TRIM59: variants seen among roughly 807,000 people sequenced by gnomAD.
The protein encoded by TRIM59 is tripartite motif containing 59, also known as tripartite motif-containing protein 59.
TRIM59 carries 14 observed loss-of-function variants against 32.2 expected under a neutral mutation model. That is an observed-to-expected ratio of 0.43 (90% confidence interval 0.29 to 0.68). The LOEUF (loss-of-function observed/expected upper bound fraction) is 0.68, where lower values mean the gene tolerates loss of function less well. Among genes scored for constraint, TRIM59 ranks in the 30% least tolerant of loss-of-function variants. TRIM59 has a pLI of 0.15. For missense variants in TRIM59, 471 were observed against 463.3 expected (o/e 1.02, Z -0.15); for synonymous variants, 163 against 155.1 (o/e 1.05, Z -0.38).
In TRIM59 at chr3:160,438,051, C is replaced by A; in HGVS notation, c.1133G>T (p.Ser378Ile). The part of the protein sequence containing the change: ...SLSVYQSLSN[S>I]LHKVKNILCH... ...CAGTATATTCTTTACCTTATGCAGA[C>A]TGTTAGATAAACTTTGGTAAACAGA... is the stretch of plus-strand genomic sequence containing the variant. The change falls in exon 3 of 3, where the codon AGT (serine) becomes ATT (isoleucine). Residue 378 changes from serine to isoleucine, a missense_variant. By Grantham distance (142) the Ser-to-Ile change is moderately radical (BLOSUM62 -2). Coordinates refer to ENST00000309784, the MANE Select transcript of TRIM59 (RefSeq NM_173084.3). The A allele has an allele frequency of 6.2e-7, 1 of 1,603,656 alleles. No individual in the cohort carries two copies. The highest frequency in any genetic ancestry group is 8.5e-7 in the Non-Finnish European group (1 of 1,177,300).
intron 2 of TRIM59, among the ~76,000 whole-genome samples, chr3:160,448,429 G>T (rs1019950207): frequency 3.9e-5 from 6 of 152,194 alleles, no homozygotes; most frequent in Admixed American, 3.9e-4. Flanking sequence ...TAGTTCTGCA[G>T]ATCTGTATGT....
chr3:160,440,992 A>G (rs925147628), intron 2 of TRIM59, among the ~76,000 whole-genome samples: 2 of 152,260 alleles, frequency 1.3e-5, no homozygotes, highest in Non-Finnish European at 2.9e-5. Context: ...TTTTAAGATT[A>G]AAAATCTGTG....
intron 2 of TRIM59, among the ~76,000 whole-genome samples, chr3:160,443,619 G>A (rs949925341): frequency 6.6e-6 from 1 of 152,032 alleles, no homozygotes; most frequent in Non-Finnish European, 1.5e-5. Context: ...CACTCTAGAA[G>A]AGGAAGAAAG....
In TRIM59 at chr3:160,438,001, C is replaced by T; in HGVS notation, c.1183G>A (p.Glu395Lys). The T allele has an allele frequency of 3.2e-6, 5 of 1,556,926 alleles. No homozygotes were observed. Among genetic ancestry groups the T allele is most frequent in the Non-Finnish European group, 4.3e-6 (5 of 1,157,152 alleles). The part of the protein sequence containing the change: ...ILCHIFYLLK[E>K]FVWKIVSH ...TGGGAAACTATTTTCCACACAAATT[C>T]CTTCAACAAATAGAAAATGTGACAC... The change falls in exon 3 of 3, where the codon GAA becomes AAA. Residue 395 changes from glutamate (E) to lysine (K), a missense_variant. Coordinates refer to ENST00000309784, the MANE Select transcript of TRIM59 (RefSeq NM_173084.3).
At chr3:160,439,712 T>C (rs898934729) in intron 2 of TRIM59, among the ~76,000 whole-genome samples, 8 of 152,178 alleles carry the variant, frequency 5.3e-5, no homozygotes, top group Non-Finnish European at 1.0e-4. Context: ...CCTTCTGCCA[T>C]GATTGTGAGG....
chr3:160,436,071 C>G lies in TRIM59; in HGVS notation c.*1901G>C, dbSNP rs914098388. The G allele has an allele frequency of 5.2e-6, 6 of 1,157,374 alleles. No homozygotes were observed. Among genetic ancestry groups the G allele is most frequent in the Admixed American group, 4.1e-5 (1 of 24,572 alleles). 71.7% of individuals were successfully genotyped at this position (1,157,374 alleles called of 1,614,324 possible). On this transcript the variant is annotated 3_prime_UTR_variant, in exon 3 of 3. Coordinates refer to ENST00000309784, the MANE Select transcript of TRIM59 (RefSeq NM_173084.3). The stretch of plus-strand genomic sequence containing the variant: ...TTTTTATCTCTAGCTGAGTATGTGT[C>G]TCTCCTTACCTCTACTATGCCCTTT...
chr3:160,441,991 A>T (rs1004375765), intron 2 of TRIM59, among the ~76,000 whole-genome samples: 1 of 152,192 alleles, frequency 6.6e-6, no homozygotes, highest in African/African-American at 2.4e-5. Flanking sequence ...AAAGCTATGA[A>T]GTCATACAGA....
chr3:160,439,065 G>T lies in TRIM59; in HGVS notation c.119C>A (p.Ala40Glu), dbSNP rs751672520. 6.4e-7 allele frequency: 1 copy of T among 1,569,570 alleles called. No individual in the cohort carries two copies. Among genetic ancestry groups the T allele is most frequent in the South Asian group, 1.2e-5 (1 of 83,210 alleles). The change falls in exon 3 of 3, where the codon GCA (alanine) becomes GAA (glutamate). Residue 40 changes from alanine to glutamate, a missense_variant. Physicochemically the swap from Ala to Glu is moderately radical, Grantham distance 107. Coordinates refer to ENST00000309784, the MANE Select transcript of TRIM59 (RefSeq NM_173084.3). ...CRNCLENILQASGNFYIWRPL... is the reference protein window; with the variant it reads ...CRNCLENILQESGNFYIWRPL... ...TCTCCATATATAAAAGTTACCAGAT[G>T]CCTGAAGAATGTTTTCCAAACAATT... is the stretch of plus-strand genomic sequence containing the variant.
At position 160,436,133 on chromosome 3, in the gene TRIM59, G is replaced by A. The variant is rs1718930605; in HGVS notation, c.*1839C>T. On this transcript the variant is annotated 3_prime_UTR_variant, in exon 3 of 3. Coordinates refer to ENST00000309784, the MANE Select transcript of TRIM59 (RefSeq NM_173084.3). ...GCCCACACAATAGTTAATTGTGCTA[G>A]GTATAAGTCTGATTCTAATAATAAA... 4 of 1,050,566 alleles carry A rather than the reference G, an allele frequency of 3.8e-6. No homozygotes were observed. Among genetic ancestry groups the A allele is most frequent in the Non-Finnish European group, 4.6e-6 (4 of 867,352 alleles). The allele number at this position is 1,050,566 out of a possible 1,614,324, so 65.1% of individuals were successfully genotyped here. A position where few individuals can be genotyped will look rare whatever the true frequency, so the allele number is the denominator to read the frequency against.
chr3:160,449,687 C>T (rs1414673920), intron 1 of TRIM59, 30 bp downstream of exon 1: 1 of 1,289,884 alleles, frequency 7.8e-7, no homozygotes, highest in African/African-American at 1.5e-5. Context: ...GAACCACCTT[C>T]TCCGCATCCG....
chr3:160,444,650 T>C (rs768340164), intron 2 of TRIM59, among the ~76,000 whole-genome samples: 3 of 152,228 alleles, frequency 2.0e-5, no homozygotes, highest in Non-Finnish European at 2.9e-5. Context: ...ATAAGTGATG[T>C]GGTGAGTTCT....
At chr3:160,443,553 C>T (rs941097715) in intron 2 of TRIM59, among the ~76,000 whole-genome samples, 2 of 152,164 alleles carry the variant, frequency 1.3e-5, no homozygotes, top group Non-Finnish European at 2.9e-5. Context: ...CAAGAATGTT[C>T]GCCAGCATAA....
rs967749744 is a variant in TRIM59 at position 160,436,592 on chromosome 3, A to G, written c.*1380T>C. ...GGCGAGTGGATCATGAGGTCAGGAGATAGAGACCATCCTGGCTAACACAGT... is the reference window on the plus strand; with the variant it reads ...GGCGAGTGGATCATGAGGTCAGGAGGTAGAGACCATCCTGGCTAACACAGT... On this transcript the variant is annotated 3_prime_UTR_variant, in exon 3 of 3. Transcript: ENST00000309784. 16 of 855,690 alleles carry G rather than the reference A, an allele frequency of 1.9e-5. No homozygotes were observed. The highest frequency in any genetic ancestry group is 2.0e-5 in the Non-Finnish European group (14 of 711,280). 53.0% of individuals were successfully genotyped at this position (855,690 alleles called of 1,614,324 possible).
At chr3:160,449,512 G>A in intron 1 of TRIM59, 2 of 1,223,266 alleles carry the variant, frequency 1.6e-6, no homozygotes, top group South Asian at 1.4e-5. Context: ...CAGGAACGCA[G>A]CTCCACAGTG....
At position 160,438,941 on chromosome 3, in the gene TRIM59, A is replaced by AGCCCTTAGT. The variant is rs749951592; in HGVS notation, c.234_242dup (p.Leu79_Ala81dup). 7 of 1,614,046 alleles carry AGCCCTTAGT rather than the reference A, an allele frequency of 4.3e-6. No homozygotes were observed. Among genetic ancestry groups the AGCCCTTAGT allele is most frequent in the African/African-American group, 1.3e-5 (1 of 74,936 alleles). On this transcript the variant is annotated inframe_insertion, in exon 3 of 3. Coordinates refer to ENST00000309784, the MANE Select transcript of TRIM59 (RefSeq NM_173084.3). ...CTTCTTGCTGGTACTTTTCAATAAT[A>AGCCCTTAGT]GCCCTTAGTGCAAAATTAACAGGTA...
chr3:160,443,199 C>G (rs1197255924), intron 2 of TRIM59, among the ~76,000 whole-genome samples: 2 of 152,048 alleles, frequency 1.3e-5, no homozygotes, highest in Non-Finnish European at 2.9e-5. Flanking sequence ...TTTTATGCAG[C>G]AGAAATTTTC....
In TRIM59 at chr3:160,435,812, T is replaced by C. The variant is rs1718908673; in HGVS notation, c.*2160A>G. On this transcript the variant is annotated 3_prime_UTR_variant, in exon 3 of 3. Coordinates refer to ENST00000309784, the MANE Select transcript of TRIM59 (RefSeq NM_173084.3). ...CTTGGCCTACTTTAAAGTTGAGTGA[T>C]AGCATGAACTCTGAAAAGAGAATGC... 8.5e-5 allele frequency: 46 copies of C among 542,754 alleles called. 1 individual carries two copies. Among genetic ancestry groups the C allele is most frequent in the South Asian group, 7.1e-4 (45 of 63,578 alleles). 33.6% of individuals were successfully genotyped at this position (542,754 alleles called of 1,614,324 possible).
At chr3:160,445,773 CAAAAAAAAA>C (rs75175042) in intron 2 of TRIM59, among the ~76,000 whole-genome samples, 1 of 90,900 alleles carries the variant, frequency 1.1e-5, no homozygotes, top group Non-Finnish European at 2.2e-5. Context: ...GACTCTGTCT[CAAAAAAAAA>C]AAAAAAAAAA....
chr3:160,440,909 C>CA (rs1388387543), intron 2 of TRIM59, among the ~76,000 whole-genome samples: 2 of 151,284 alleles, frequency 1.3e-5, no homozygotes, highest in Non-Finnish European at 2.9e-5. Flanking sequence ...AACTCCGTCT[C>CA]AAAAAAAATA....
Sources: gnomAD v4.1 joint callset for allele counts (sites outside exome capture counted in the v4.1 genomes callset) on GRCh38, gnomAD v4.1.1 for gene constraint, MANE v1.5 for transcripts, NCBI Gene and HGNC (gene_info 2026-07-23, HGNC 2026-07-21) for gene names.